The following CYTH1 variants were observed in gnomAD, a reference collection of about 807,000 sequenced individuals.
CYTH1 encodes cytohesin-1.
A neutral mutation model predicts 61.8 loss-of-function variants in CYTH1; 18 were observed. The ratio of observed to expected loss-of-function variants is 0.29; its 90% CI spans 0.20 to 0.43. The LOEUF is 0.43. Among genes scored for constraint, CYTH1 ranks in the 20% least tolerant of loss-of-function variants. The pLI is 1.00. For missense variants in CYTH1, 336 were observed against 510.5 expected, an observed-to-expected ratio of 0.66 and a Z score of 3.29; for synonymous variants, 174 against 184.3, an observed-to-expected ratio of 0.94 and a Z score of 0.45.
intron 1 of CYTH1, among the ~76,000 whole-genome samples, chr17:78,740,071 G>A (rs1404523057): frequency 6.6e-6 from 1 of 152,206 alleles, no homozygotes; most frequent in Non-Finnish European, 1.5e-5. Flanking sequence ...GAGTGGCTGG[G>A]ATTACAGGTG....
At chr17:78,707,678 T>C (rs1192870606) in intron 3 of CYTH1, among the ~76,000 whole-genome samples, 2 of 150,968 alleles carry the variant, frequency 1.3e-5, no homozygotes, top group African/African-American at 4.9e-5. Flanking sequence ...AGTTCTCCAG[T>C]TCAATTTTTT....
chr17:78,675,653 T>C lies in CYTH1; in HGVS notation c.*438A>G. ...TCTTAAAAAAAAAAAAATAGATCTT[T>C]ATAGTATGTGGCTTCTCTTCCTTTC... On this transcript the variant is annotated 3_prime_UTR_variant, in exon 14 of 14. Transcript: ENST00000446868. 2 of 372,552 alleles carry C rather than the reference T, an allele frequency of 5.4e-6. No homozygotes were observed. The highest frequency in any genetic ancestry group is 1.0e-4 in the South Asian group (1 of 9,878). 23.1% of individuals were successfully genotyped at this position (372,552 alleles called of 1,614,324 possible). A position where few individuals can be genotyped will look rare whatever the true frequency, so the allele number is the denominator to read the frequency against.
chr17:78,745,274 C>T (rs1340784508), intron 1 of CYTH1, among the ~76,000 whole-genome samples: 2 of 152,118 alleles, frequency 1.3e-5, no homozygotes, highest in Non-Finnish European at 2.9e-5. Context: ...GCCAACCTCA[C>T]CACAGCCCTC....
chr17:78,776,509 A>G (rs1191009137), intron 1 of CYTH1, among the ~76,000 whole-genome samples: 1 of 151,688 alleles, frequency 6.6e-6, no homozygotes, highest in Non-Finnish European at 1.5e-5. Context: ...ATACAAAACA[A>G]TTAGCTGAGC....
intron 11 of CYTH1, among the ~76,000 whole-genome samples, chr17:78,684,165 C>G (rs1395036238): frequency 1.3e-5 from 2 of 152,184 alleles, no homozygotes; most frequent in Non-Finnish European, 1.5e-5. Flanking sequence ...CCTGGCCCCC[C>G]CTCTTTCCTG....
chr17:78,700,527 TTTTC>T lies in CYTH1; in HGVS notation c.438-88_438-85del. 1.7e-6 allele frequency: 2 copies of T among 1,169,110 alleles called. No homozygotes were observed. The highest frequency in any genetic ancestry group is 5.3e-5 in the East Asian group (2 of 37,424). The allele number at this position is 1,169,110 out of a possible 1,614,324, so 72.4% of individuals were successfully genotyped here. A position where few individuals can be genotyped will look rare whatever the true frequency, so the allele number is the denominator to read the frequency against. On this transcript the variant is annotated intron_variant, in intron 6 of 13. Transcript: ENST00000446868. This position sits in a 1 kb window ranked among gnomAD's most constrained non-coding sequence, Gnocchi z 5.1. ...ATTGTTAAACTGCCAATGATTTTTT[TTTTC>T]TTTTTTTTTTTGAGATGGAGTCTCA...
chr17:78,759,892 A>G (rs1031009089), intron 1 of CYTH1, among the ~76,000 whole-genome samples: 1 of 152,310 alleles, frequency 6.6e-6, no homozygotes, highest in East Asian at 1.9e-4. Context: ...GAGGTTCTGA[A>G]GCGTGAGTTT....
chr17:78,706,195 T>C (rs1346119911), intron 3 of CYTH1, among the ~76,000 whole-genome samples: 1 of 152,190 alleles, frequency 6.6e-6, no homozygotes, highest in Non-Finnish European at 1.5e-5. Flanking sequence ...GTTCAATTTG[T>C]TTTGATGAGT....
intron 10 of CYTH1, 143 bp downstream of exon 10, chr17:78,695,864 G>C (rs894776835): frequency 2.5e-6 from 3 of 1,224,234 alleles, no homozygotes; most frequent in Non-Finnish European, 2.1e-6. Context: ...CAGTTCCCTA[G>C]GGACTGTACA....
At chr17:78,775,755 T>G (rs963549842) in intron 1 of CYTH1, among the ~76,000 whole-genome samples, 23 of 152,210 alleles carry the variant, frequency 1.5e-4, no homozygotes, top group African/African-American at 5.5e-4. Context: ...GTTGACAACT[T>G]CCCTAATTGA....
At chr17:78,761,382 G>T (rs571624025) in intron 1 of CYTH1, among the ~76,000 whole-genome samples, 12 of 152,164 alleles carry the variant, frequency 7.9e-5, no homozygotes, top group Non-Finnish European at 1.6e-4. Flanking sequence ...CCTTGGGAAC[G>T]TGATAATACA....
Position 78,675,894 on chromosome 17 carries a change from C to G in CYTH1, c.*197G>C, listed in dbSNP as rs2092692885. ...TCTGGAGCCCATGCTGGACAGGTGGCCGGTCCTCTCTTCCCCAGTGATAAC... is the reference window on the plus strand; with the variant it reads ...TCTGGAGCCCATGCTGGACAGGTGGGCGGTCCTCTCTTCCCCAGTGATAAC... On this transcript the variant is annotated 3_prime_UTR_variant, in exon 14 of 14. Coordinates refer to ENST00000446868, the MANE Select transcript of CYTH1 (RefSeq NM_004762.6). The G allele has an allele frequency of 2.7e-6, 4 of 1,502,360 alleles. No homozygotes were observed. In the Admixed American group the frequency reaches 6.9e-5, roughly 26 times the overall value. 93.1% of individuals were successfully genotyped at this position (1,502,360 alleles called of 1,614,324 possible). A position where few individuals can be genotyped will look rare whatever the true frequency, so the allele number is the denominator to read the frequency against.
intron 1 of CYTH1, among the ~76,000 whole-genome samples, chr17:78,754,576 G>A (rs965416741): frequency 6.6e-6 from 1 of 151,962 alleles, no homozygotes; most frequent in African/African-American, 2.4e-5. Flanking sequence ...TCAAATTCCT[G>A]GGCTCAAGCA....
Position 78,680,103 on chromosome 17 carries a change from C to A in CYTH1, c.1118+87G>T, listed in dbSNP as rs1248816491. On this transcript the variant is annotated intron_variant, in intron 13 of 13. Transcript: ENST00000446868. Reference sequence around the variant, plus strand: ...ACTTGGAGCACAGAAGAGATGCGGGCGGCATGTTTAACCACTAAGATGATC... The same window carrying A: ...ACTTGGAGCACAGAAGAGATGCGGGAGGCATGTTTAACCACTAAGATGATC... 4 of 1,514,614 alleles carry A rather than the reference C, an allele frequency of 2.6e-6. No individual in the cohort carries two copies. The East Asian group carries it at 7.0e-5, about 26-fold the overall frequency. The allele number at this position is 1,514,614 out of a possible 1,614,324, so 93.8% of individuals were successfully genotyped here. A position where few individuals can be genotyped will look rare whatever the true frequency, so the allele number is the denominator to read the frequency against.
At position 78,767,906 on chromosome 17, in the gene CYTH1, A is replaced by G. The variant is rs564419318; in HGVS notation, c.22+14296T>C. 2.8e-4 allele frequency among the ~76,000 whole-genome samples: 43 copies of G among 152,328 alleles called. 1 individual carries two copies. The highest frequency in any genetic ancestry group is 1.0e-3 in the African/African-American group (42 of 41,574). On this transcript the variant is annotated intron_variant, in intron 1 of 13. Transcript: ENST00000446868. The stretch of plus-strand genomic sequence containing the variant: ...AATTTCAATCTTAGGGCTGTTGGAA[A>G]TAATATTTCAGAGAATTAGAGAACA...
intron 1 of CYTH1, among the ~76,000 whole-genome samples, chr17:78,731,569 C>T (rs1297945026): frequency 6.6e-6 from 1 of 151,970 alleles, no homozygotes; most frequent in Non-Finnish European, 1.5e-5. Flanking sequence ...ACCATCCTAG[C>T]TAACACGGTG....
chr17:78,707,285 A>G (rs2093077461), intron 3 of CYTH1, among the ~76,000 whole-genome samples: 1 of 152,232 alleles, frequency 6.6e-6, no homozygotes, highest in Non-Finnish European at 1.5e-5. Flanking sequence ...ACAGACATGT[A>G]GTGAATTGGA....
chr17:78,752,724 T>C (rs4239273), intron 1 of CYTH1, among the ~76,000 whole-genome samples: 130,113 of 152,234 alleles, frequency 0.85, 55,697 homozygotes, highest in African/African-American at 0.91. Context: ...CCACTGCACC[T>C]GGCCAAGAGA....
In CYTH1 at chr17:78,782,251, G is replaced by C. The variant is rs1346905116; in HGVS notation, c.-28C>G. On this transcript the variant is annotated 5_prime_UTR_variant, in exon 1 of 14. Coordinates refer to ENST00000446868, the MANE Select transcript of CYTH1 (RefSeq NM_004762.6). Reference sequence around the variant, plus strand: ...TGCGGGAGCCGGGCTCCGCGCTCCGGCTCGCCGCTCGCGTCCCGCCGCGCC... The same window carrying C: ...TGCGGGAGCCGGGCTCCGCGCTCCGCCTCGCCGCTCGCGTCCCGCCGCGCC... 5.4e-5 allele frequency: 69 copies of C among 1,269,754 alleles called. No homozygotes were observed. Among genetic ancestry groups the C allele is most frequent in the Non-Finnish European group, 6.8e-5 (68 of 993,460 alleles). 78.7% of individuals were successfully genotyped at this position (1,269,754 alleles called of 1,614,324 possible).
Sources: allele counts gnomAD v4.1 joint callset (sites outside exome capture counted in the v4.1 genomes callset), GRCh38; gene constraint gnomAD v4.1.1; non-coding constraint Gnocchi (gnomAD v3.1); transcripts MANE v1.5; gene names NCBI Gene and HGNC (gene_info 2026-07-23, HGNC 2026-07-21).